The following PRIM2 variants were observed in gnomAD, a reference collection of about 807,000 sequenced individuals.
PRIM2 encodes the protein DNA primase subunit 2.
In PRIM2, 39 loss-of-function variants were observed where a neutral mutation model predicts 67.3. The ratio of observed to expected loss-of-function variants is 0.58; its 90% CI spans 0.45 to 0.76. The LOEUF (loss-of-function observed/expected upper bound fraction) is 0.76. Ranked by LOEUF, PRIM2 falls within the 30% of genes least tolerant of loss-of-function variation. The pLI is 0.00. For synonymous variants in PRIM2, 143 were observed against 198.7 expected (o/e 0.72, Z 2.36); for missense variants, 398 against 598.7 (o/e 0.66, Z 3.50).
rs1216691653 is a variant in PRIM2 at position 57,604,965 on chromosome 6, C to T, written c.1148-1410C>T. ...TCGGCTTTCCAAAGTGCTGGGATTACGGGCGTGAGCCACCGCGCTTGGCCA... is the reference window on the plus strand; with the variant it reads ...TCGGCTTTCCAAAGTGCTGGGATTATGGGCGTGAGCCACCGCGCTTGGCCA... On this transcript the variant is annotated intron_variant, in intron 11 of 13. Coordinates refer to ENST00000615550, the MANE Select transcript of PRIM2 (RefSeq NM_000947.5). Among the ~76,000 whole-genome samples the T allele has an allele frequency of 4.4e-4, 67 of 152,274 alleles. 1 individual carries two copies. The South Asian group carries it at 0.013, about 30-fold the overall frequency.
intron 7 of PRIM2, among the ~76,000 whole-genome samples, chr6:57,442,817 T>G (rs1444526232): frequency 6.6e-6 from 1 of 152,142 alleles, no homozygotes; most frequent in Admixed American, 6.5e-5. Flanking sequence ...TAGCAAGTTT[T>G]GAAATGTGCA....
chr6:57,502,474 T>C (rs1366777353), intron 7 of PRIM2, among the ~76,000 whole-genome samples: 2 of 152,180 alleles, frequency 1.3e-5, no homozygotes, highest in Non-Finnish European at 2.9e-5. Flanking sequence ...GCCGGAAAGC[T>C]CCACCTTTGG....
At chr6:57,593,216 A>G (rs1307406158) in intron 10 of PRIM2, among the ~76,000 whole-genome samples, 3 of 152,064 alleles carry the variant, frequency 2.0e-5, no homozygotes, top group Non-Finnish European at 4.4e-5. Context: ...ACCTGTCTTG[A>G]CTTTCTGGCC....
At chr6:57,357,429 C>T (rs2127307881) in intron 5 of PRIM2, among the ~76,000 whole-genome samples, 1 of 152,286 alleles carries the variant, frequency 6.6e-6, no homozygotes, top group Non-Finnish European at 1.5e-5. Flanking sequence ...CTCTATGGAC[C>T]AGCCATGTGA....
chr6:57,556,112 A>C (rs1338443498), intron 10 of PRIM2, among the ~76,000 whole-genome samples: 10 of 152,352 alleles, frequency 6.6e-5, no homozygotes, highest in African/African-American at 1.4e-4. Context: ...CTACAATGAG[A>C]ATTAGAAAAT....
At chr6:57,613,707 C>G (rs1776704519) in intron 12 of PRIM2, among the ~76,000 whole-genome samples, 1 of 152,214 alleles carries the variant, frequency 6.6e-6, no homozygotes, top group South Asian at 2.1e-4. Flanking sequence ...TTGAGCCCTA[C>G]TTCCCACAGA....
At chr6:57,492,820 A>G (rs2127410786) in intron 7 of PRIM2, among the ~76,000 whole-genome samples, 1 of 152,260 alleles carries the variant, frequency 6.6e-6, no homozygotes, top group East Asian at 1.9e-4. Context: ...TAATTGTTCA[A>G]TATTCTGAGA....
At chr6:57,325,305 C>CT (rs11398927) in intron 4 of PRIM2, among the ~76,000 whole-genome samples, 90,880 of 141,904 alleles carry the variant, frequency 0.64, 29,007 homozygotes, top group South Asian at 0.71. Flanking sequence ...CTCTCTCTCT[C>CT]TTTTTTTTTT....
intron 10 of PRIM2, among the ~76,000 whole-genome samples, chr6:57,561,299 TG>T (rs1406602620): frequency 3.3e-5 from 5 of 152,148 alleles, no homozygotes; most frequent in African/African-American, 1.2e-4. Context: ...TGGCGTGATC[TG>T]GGCTCACTGG....
At position 57,528,590 on chromosome 6, in the gene PRIM2, A is replaced by T. The variant is rs1424388134; in HGVS notation, c.762-3821A>T. ...TGGCTTCATTTACTCAATAACTATA[A>T]TTCTGTTTGTACATCATTTTACCAT... On this transcript the variant is annotated intron_variant, in intron 8 of 13. Coordinates refer to ENST00000615550, the MANE Select transcript of PRIM2 (RefSeq NM_000947.5). 2.0e-5 allele frequency among the ~76,000 whole-genome samples: 3 copies of T among 152,286 alleles called. No individual in the cohort carries two copies. The East Asian group carries it at 5.8e-4, about 29-fold the overall frequency.
At chr6:57,456,431 C>T (rs1183630811) in intron 7 of PRIM2, among the ~76,000 whole-genome samples, 9 of 152,226 alleles carry the variant, frequency 5.9e-5, no homozygotes, top group Admixed American at 1.3e-4. Context: ...ACCAATCACA[C>T]GTAGATTTGG....
intron 10 of PRIM2, among the ~76,000 whole-genome samples, chr6:57,566,398 T>C (rs1280698747): frequency 1.3e-5 from 2 of 152,192 alleles, no homozygotes; most frequent in African/African-American, 2.4e-5. Flanking sequence ...AAATCACTTA[T>C]ATTATTTTTA....
At chr6:57,323,081 G>GTT (rs1562692572) in intron 3 of PRIM2, among the ~76,000 whole-genome samples, 1 of 143,594 alleles carries the variant, frequency 7.0e-6, no homozygotes, top group African/African-American at 2.7e-5. Flanking sequence ...TCCCTCATAG[G>GTT]GTTTTTTTTT....
chr6:57,293,687 C>T, the PRIM2 span, among the ~76,000 whole-genome samples: 24 of 152,066 alleles, frequency 1.6e-4, no homozygotes, highest in East Asian at 3.9e-4. Flanking sequence ...TCCTTTGCAG[C>T]GACATGGGTG....
At chr6:57,490,487 A>G (rs1773863709) in intron 7 of PRIM2, among the ~76,000 whole-genome samples, 1 of 152,242 alleles carries the variant, frequency 6.6e-6, no homozygotes, top group African/African-American at 2.4e-5. Context: ...AGATAACAAA[A>G]GGAATAGTAT....
At chr6:57,269,395 C>T in the PRIM2 span, among the ~76,000 whole-genome samples, 1 of 151,828 alleles carries the variant, frequency 6.6e-6, no homozygotes, top group Middle Eastern at 3.4e-3. Flanking sequence ...TGATGATGAG[C>T]ATTTTTTCAT....
chr6:57,552,468 AT>A (rs1775423845), intron 10 of PRIM2, among the ~76,000 whole-genome samples: 1 of 152,020 alleles, frequency 6.6e-6, no homozygotes, highest in African/African-American at 2.4e-5. Flanking sequence ...GGATCTTGTG[AT>A]TTAGTCAAGT....
chr6:57,225,291 T>C, the PRIM2 span, among the ~76,000 whole-genome samples: 3 of 152,124 alleles, frequency 2.0e-5, no homozygotes, highest in East Asian at 1.9e-4. Flanking sequence ...CTTACAAGAG[T>C]AGAGAAAAAG....
intron 8 of PRIM2, among the ~76,000 whole-genome samples, chr6:57,508,177 TC>T (rs1235884348): frequency 2.0e-5 from 3 of 151,984 alleles, no homozygotes; most frequent in African/African-American, 7.3e-5. Context: ...CCTCAGGTGA[TC>T]CACCTGCCTC....
Sources: allele counts gnomAD v4.1 joint callset (sites outside exome capture counted in the v4.1 genomes callset), GRCh38; gene constraint gnomAD v4.1.1; transcripts MANE v1.5; gene names NCBI Gene and HGNC (gene_info 2026-07-23, HGNC 2026-07-21).